The following ITPR3 variants were observed in gnomAD, a reference collection of about 807,000 sequenced individuals.
ITPR3 encodes the protein inositol 1,4,5-trisphosphate receptor type 3.
ITPR3 carries 173 observed loss-of-function variants against 293.2 expected under a neutral mutation model. The ratio of observed to expected loss-of-function variants is 0.59; its 90% CI spans 0.52 to 0.67. The LOEUF is 0.67. ITPR3 is among the 30% of genes least tolerant of loss of function. ITPR3 has a pLI of 0.00. For missense variants in ITPR3, 2,796 were observed against 3,592.1 expected, an observed-to-expected ratio of 0.78 and a Z score of 5.66; for synonymous variants, 1,295 against 1,444.4, an observed-to-expected ratio of 0.90 and a Z score of 2.35.
Position 33,658,561 on chromosome 6 carries a change from G to A in ITPR3, c.370-109G>A. The A allele has an allele frequency of 1.1e-5, 14 of 1,288,250 alleles. 1 individual carries two copies. The South Asian group carries it at 1.8e-4, about 17-fold the overall frequency. The allele number at this position is 1,288,250 out of a possible 1,614,324, so 79.8% of individuals were successfully genotyped here. The stretch of plus-strand genomic sequence containing the variant: ...GTTTGTGACAGGTGTCTGACACTAT[G>A]TGTGCAGCCAGAATGTGACCAAGGG... On this transcript the variant is annotated intron_variant, in intron 4 of 57. Transcript: ENST00000605930. The surrounding 1 kb of genome is among the most constrained non-coding windows in gnomAD (Gnocchi z 6.1).
rs775573697 is a variant in ITPR3, at chr6:33,671,274, C to G, written c.2696C>G (p.Pro899Arg). ...LGIIDCVQGP[P>R]AMLQAYEDPG... Reference sequence around the variant, plus strand: ...ATCATCGACTGTGTGCAGGGGCCCCCGGCCATGCTGCAGGCCTATGAGGAC... The same window carrying G: ...ATCATCGACTGTGTGCAGGGGCCCCGGGCCATGCTGCAGGCCTATGAGGAC... Residue 899 changes from proline (P) to arginine (R), a missense_variant, in exon 21 of 58, where the codon CCG becomes CGG. Transcript: ENST00000605930. The G allele has an allele frequency of 6.2e-7, 1 of 1,613,354 alleles. No individual in the cohort carries two copies. Among genetic ancestry groups the G allele is most frequent in the Non-Finnish European group, 8.5e-7 (1 of 1,179,956 alleles).
chr6:33,630,642 C>G (rs1037792651), intron 1 of ITPR3, among the ~76,000 whole-genome samples: 2 of 152,208 alleles, frequency 1.3e-5, no homozygotes, highest in Admixed American at 6.5e-5. Flanking sequence ...CCCTGACAGC[C>G]AGAAACCCAG....
Position 33,687,396 on chromosome 6 carries a change from T to C in ITPR3, c.6177+69T>C, listed in dbSNP as rs2281916. 503,618 of 1,452,080 alleles carry C rather than the reference T, an allele frequency of 0.35. 90,036 individuals are homozygous for C. Among genetic ancestry groups the C allele is most frequent in the South Asian group, 0.47 (38,960 of 83,180 alleles). The allele number at this position is 1,452,080 out of a possible 1,614,324, so 89.9% of individuals were successfully genotyped here. A position where few individuals can be genotyped will look rare whatever the true frequency, so the allele number is the denominator to read the frequency against. ...CCATACCCCGCCCCAGCTGCCATCA[T>C]CCCCCAGTCGCCATTGTCGCCCCCC... is the stretch of plus-strand genomic sequence containing the variant. On this transcript the variant is annotated intron_variant, in intron 45 of 57. Coordinates refer to ENST00000605930, the MANE Select transcript of ITPR3 (RefSeq NM_002224.4). The surrounding 1 kb of genome is among the most constrained non-coding windows in gnomAD (Gnocchi z 5.3).
rs1291197397 is a variant in ITPR3, at chr6:33,693,601, C to T, written c.7681C>T (p.Leu2561=). ...AGTGTCATTTGAGGAACACATCAAGCTGGAGCACAACATGTGGAACTACTT... is the reference window on the plus strand; with the variant it reads ...AGTGTCATTTGAGGAACACATCAAGTTGGAGCACAACATGTGGAACTACTT... The part of the protein sequence containing the change: ...KTVSFEEHIK[L]EHNMWNYLYF... The change falls in exon 56 of 58, where the codon CTG becomes TTG. Residue 2561 remains leucine (L), a synonymous_variant. Transcript: ENST00000605930. 1 of 1,614,214 alleles carries T rather than the reference C, an allele frequency of 6.2e-7. No homozygotes were observed.
At position 33,658,875 on chromosome 6, in the gene ITPR3, G is replaced by T. The variant is rs1294654726; in HGVS notation, c.528+47G>T. ...GAGGGGCCTGGTGGAACTCCCGAGG[G>T]GCTTCTGTAGGGTCTTCGGTGTGGG... On this transcript the variant is annotated intron_variant, in intron 5 of 57. Coordinates refer to ENST00000605930, the MANE Select transcript of ITPR3 (RefSeq NM_002224.4). This position sits in a 1 kb window ranked among gnomAD's most constrained non-coding sequence, Gnocchi z 6.1. 6.2e-7 allele frequency: 1 copy of T among 1,610,358 alleles called. No individual in the cohort carries two copies. Among genetic ancestry groups the T allele is most frequent in the African/African-American group, 1.3e-5 (1 of 74,928 alleles).
chr6:33,659,140 C>G (rs767833543), intron 6 of ITPR3, 21 bp downstream of exon 6: 6 of 1,606,096 alleles, frequency 3.7e-6, no homozygotes, highest in Non-Finnish European at 5.1e-6. Context: ...GGGGGGTCAG[C>G]CATGCAGTGC....
At chr6:33,652,268 C>G (rs564754551) in intron 2 of ITPR3, among the ~76,000 whole-genome samples, 240 of 152,220 alleles carry the variant, frequency 1.6e-3, no homozygotes, top group African/African-American at 5.4e-3. Context: ...ACCCTACCTC[C>G]TTATACAGGA....
chr6:33,658,975 G>A lies in ITPR3; in HGVS notation c.529-46G>A. 1 of 1,608,420 alleles carries A rather than the reference G, an allele frequency of 6.2e-7. No homozygotes were observed. The highest frequency in any genetic ancestry group is 8.5e-7 in the Non-Finnish European group (1 of 1,175,042). On this transcript the variant is annotated intron_variant, in intron 5 of 57. Coordinates refer to ENST00000605930, the MANE Select transcript of ITPR3 (RefSeq NM_002224.4). The surrounding 1 kb of genome is among the most constrained non-coding windows in gnomAD (Gnocchi z 6.1). Reference sequence around the variant, plus strand: ...GGGAGGCCTGGAGGCGTGGTGACAAGAGGGCCCTGCCCTTCCCACCTAACC... The same window carrying A: ...GGGAGGCCTGGAGGCGTGGTGACAAAAGGGCCCTGCCCTTCCCACCTAACC...
At position 33,683,392 on chromosome 6, in the gene ITPR3, C is replaced by A. The variant is rs1467429796; in HGVS notation, c.4783C>A (p.Leu1595Met). 1.3e-6 allele frequency: 2 copies of A among 1,563,976 alleles called. No homozygotes were observed. The highest frequency in any genetic ancestry group is 4.7e-5 in the East Asian group (2 of 42,764). The change falls in exon 35 of 58, where the codon CTG (leucine) becomes ATG (methionine). Residue 1595 changes from leucine (L) to methionine (M), a missense_variant. Around this residue, in one of 8 missense-constraint regions of ITPR3, gnomAD observed 704 missense variants for 797.5 expected, o/e 0.88. Transcript: ENST00000605930. The surrounding 1 kb of genome is among the most constrained non-coding windows in gnomAD (Gnocchi z 4.5). ...QWDYKNIIEKLQDIITALEER... is the reference protein window; with the variant it reads ...QWDYKNIIEKMQDIITALEER... ...GGACTACAAGAACATCATTGAGAAG[C>A]TGCAGGTGGGTGTGGGGCTGCCTGG... is the stretch of plus-strand genomic sequence containing the variant.
Position 33,655,673 on chromosome 6 carries a change from G to A in ITPR3, c.161-93G>A, listed in dbSNP as rs1764288627. On this transcript the variant is annotated intron_variant, in intron 2 of 57. Coordinates refer to ENST00000605930, the MANE Select transcript of ITPR3 (RefSeq NM_002224.4). The surrounding 1 kb of genome is among the most constrained non-coding windows in gnomAD (Gnocchi z 4.9). The stretch of plus-strand genomic sequence containing the variant: ...CGGGGAACGGGGGTGGGGAAGGGTT[G>A]GGAGAGAAGAGCTGCAGGCTGGGGT... 6.5e-7 allele frequency: 1 copy of A among 1,535,150 alleles called. No individual in the cohort carries two copies. Among genetic ancestry groups the A allele is most frequent in the Non-Finnish European group, 8.9e-7 (1 of 1,123,544 alleles).
intron 7 of ITPR3, among the ~76,000 whole-genome samples, chr6:33,659,812 G>A (rs1307292680): frequency 2.6e-5 from 4 of 152,196 alleles, no homozygotes; most frequent in African/African-American, 9.6e-5. Flanking sequence ...TTAAGGGGGT[G>A]TCAGTGGACT....
chr6:33,666,020 G>C lies in ITPR3; in HGVS notation c.1551+44G>C, dbSNP rs1251310743. On this transcript the variant is annotated intron_variant, in intron 14 of 57. Transcript: ENST00000605930. The surrounding 1 kb of genome is among the most constrained non-coding windows in gnomAD (Gnocchi z 5.1). ...GGGGACGCAGAGGGGCCGGGTGCCC[G>C]GGAGAGGGATGCCTTCAACTGCAGG... 2.6e-6 allele frequency: 4 copies of C among 1,546,828 alleles called. No individual in the cohort carries two copies. The highest frequency in any genetic ancestry group is 1.2e-5 in the South Asian group (1 of 84,722).
At chr6:33,640,628 A>G (rs1763927455) in intron 2 of ITPR3, 74 bp downstream of exon 2, 4 of 1,250,520 alleles carry the variant, frequency 3.2e-6, no homozygotes, top group Non-Finnish European at 4.5e-6. Flanking sequence ...AATTTATTCA[A>G]CTGCATTCAG....
chr6:33,630,747 G>A (rs116228474), intron 1 of ITPR3, among the ~76,000 whole-genome samples: 1 of 152,320 alleles, frequency 6.6e-6, no homozygotes, highest in African/African-American at 2.4e-5. Context: ...TTCCTGGAGA[G>A]ACTATTTGGG....
In ITPR3 at chr6:33,633,057, A is replaced by G. The variant is rs1763720187; in HGVS notation, c.90-7427A>G. Among the ~76,000 whole-genome samples, 1 of 152,200 alleles carries G rather than the reference A, an allele frequency of 6.6e-6. No homozygotes were observed. Among genetic ancestry groups the G allele is most frequent in the Non-Finnish European group, 1.5e-5 (1 of 68,036 alleles). ...GAGATACTGGATGTAAAAACGATTG[A>G]TAAACTATAGAGTCGCGCGATGGAG... On this transcript the variant is annotated intron_variant, in intron 1 of 57. Transcript: ENST00000605930. The surrounding 1 kb of genome is among the most constrained non-coding windows in gnomAD (Gnocchi z 5.2).
chr6:33,622,426 G>A (rs541542741), intron 1 of ITPR3, among the ~76,000 whole-genome samples: 127 of 152,342 alleles, frequency 8.3e-4, no homozygotes, highest in Non-Finnish European at 1.1e-3. Context: ...GGCCAGGCCT[G>A]TAGCAGGGAG....
In ITPR3 at chr6:33,689,269, C is replaced by T. The variant is rs1765325363; in HGVS notation, c.6726C>T (p.Leu2242=). 6.2e-7 allele frequency: 1 copy of T among 1,611,572 alleles called. No individual in the cohort carries two copies. The change falls in exon 50 of 58, where the codon CTC becomes CTT. Residue 2242 remains leucine, a synonymous_variant. Coordinates refer to ENST00000605930, the MANE Select transcript of ITPR3 (RefSeq NM_002224.4). ...GVLDSPLISL[L]FWILICFSIA... is the part of the protein sequence containing the mutation. Reference sequence around the variant, plus strand: ...TGGACTCCCCTCTCATCTCATTGCTCTTCTGGATCCTCATCTGCTTCTCCA... The same window carrying T: ...TGGACTCCCCTCTCATCTCATTGCTTTTCTGGATCCTCATCTGCTTCTCCA...
In ITPR3 at chr6:33,679,846, CGA is replaced by C. The variant is rs1561875103; in HGVS notation, c.3973-30_3973-29del. ...GAGGAGAGCCCAGGGCTTGCTGGAC[CGA>C]GAGAGTGTGACACGTGCCCCCTCCC... On this transcript the variant is annotated intron_variant, in intron 30 of 57. Coordinates refer to ENST00000605930, the MANE Select transcript of ITPR3 (RefSeq NM_002224.4). This position sits in a 1 kb window ranked among gnomAD's most constrained non-coding sequence, Gnocchi z 4.2. The C allele has an allele frequency of 3.2e-6, 5 of 1,587,092 alleles. No homozygotes were observed. Among genetic ancestry groups the C allele is most frequent in the South Asian group, 1.1e-5 (1 of 87,006 alleles).
intron 1 of ITPR3, among the ~76,000 whole-genome samples, chr6:33,640,069 C>T (rs1434289792): frequency 6.6e-6 from 1 of 152,176 alleles, no homozygotes; most frequent in African/African-American, 2.4e-5. Flanking sequence ...CTCTGTCTCC[C>T]TCCCTTCCAC....
Sources: allele counts gnomAD v4.1 joint callset (sites outside exome capture counted in the v4.1 genomes callset), GRCh38; gene constraint gnomAD v4.1.1; regional missense constraint gnomAD v4.1.1; non-coding constraint Gnocchi (gnomAD v3.1); transcripts MANE v1.5; gene names NCBI Gene and HGNC (gene_info 2026-07-23, HGNC 2026-07-21).